Variants in NSUN3 observed in about 807,000 individuals in gnomAD.
The protein encoded by NSUN3 is tRNA (cytosine(34)-C(5))-methyltransferase, mitochondrial.
Under a neutral mutation model 36.8 loss-of-function variants are expected in NSUN3, and 24 were observed. That is an observed-to-expected ratio of 0.65 (90% CI 0.47 to 0.92). The LOEUF is 0.92. Among genes scored for constraint, NSUN3 ranks in the 40% least tolerant of loss-of-function variants. The probability of loss-of-function intolerance (pLI) is 0.00; values close to 1 mark genes in which losing one functional copy is unlikely to be tolerated. For missense variants in NSUN3, 381 were observed against 392.8 expected (o/e 0.97, Z 0.25); for synonymous variants, 146 against 145.2 (o/e 1.01, Z -0.04).
At chr3:94,077,185 C>A (rs546091502) in intron 2 of NSUN3, 6 of 695,982 alleles carry the variant, frequency 8.6e-6, no homozygotes, top group African/African-American at 3.5e-5. Flanking sequence ...GGAGGCCAGG[C>A]GAGCCAGGGG....
At chr3:94,071,294 A>T (rs2077224068) in intron 2 of NSUN3, among the ~76,000 whole-genome samples, 1 of 152,224 alleles carries the variant, frequency 6.6e-6, no homozygotes, top group Non-Finnish European at 1.5e-5. Context: ...GTACATACAC[A>T]TGTGTATATG....
At chr3:94,070,503 G>A (rs2077221308) in intron 2 of NSUN3, among the ~76,000 whole-genome samples, 1 of 152,050 alleles carries the variant, frequency 6.6e-6, no homozygotes, top group South Asian at 2.1e-4. Flanking sequence ...TTGGAGGGAG[G>A]AGCAACAATG....
At chr3:94,076,323 A>T (rs1033147704) in intron 2 of NSUN3, 1 of 845,352 alleles carries the variant, frequency 1.2e-6, no homozygotes, top group Non-Finnish European at 2.1e-6. Context: ...GGCAAGAATG[A>T]ACTCACTATA....
intron 1 of NSUN3, 198 bp downstream of exon 1, chr3:94,063,336 C>T: frequency 1.6e-6 from 1 of 608,688 alleles, no homozygotes; most frequent in East Asian, 2.7e-5. Flanking sequence ...CCGTCCAGCT[C>T]GCAGACTTCT....
At chr3:94,124,589 C>CTTTTTTT in intron 5 of NSUN3, among the ~76,000 whole-genome samples, 1 of 152,230 alleles carries the variant, frequency 6.6e-6, no homozygotes, top group Admixed American at 6.5e-5. Flanking sequence ...CAAATGTCCT[C>CTTTTTTT]TTCTTGAAGG....
chr3:94,079,891 A>G (rs2077260844), intron 2 of NSUN3, among the ~76,000 whole-genome samples: 1 of 151,890 alleles, frequency 6.6e-6, no homozygotes, highest in African/African-American at 2.4e-5. Context: ...TTAGCTTGGA[A>G]GAGTTTGTTA....
At chr3:94,096,130 C>A (rs537473564) in intron 5 of NSUN3, among the ~76,000 whole-genome samples, 3 of 152,056 alleles carry the variant, frequency 2.0e-5, no homozygotes, top group Non-Finnish European at 4.4e-5. Context: ...ACCTCTTGCA[C>A]GTAGAAAGAC....
intron 2 of NSUN3, among the ~76,000 whole-genome samples, chr3:94,067,845 G>A (rs542443029): frequency 6.6e-6 from 1 of 151,888 alleles, no homozygotes; most frequent in Admixed American, 6.6e-5. Flanking sequence ...AGCCTTGAGA[G>A]TTTGTTGTAC....
chr3:94,063,238 T>A, intron 1 of NSUN3, 100 bp downstream of exon 1: 1 of 1,163,120 alleles, frequency 8.6e-7, no homozygotes, highest in Admixed American at 1.7e-5. Context: ...GAACATCACC[T>A]TTGTTCGTCC....
At chr3:94,085,829 G>GAT (rs1329107903) in intron 3 of NSUN3, among the ~76,000 whole-genome samples, 1 of 152,024 alleles carries the variant, frequency 6.6e-6, no homozygotes, top group Non-Finnish European at 1.5e-5. Context: ...ATCACATACA[G>GAT]ATCTTTCATC....
intron 5 of NSUN3, among the ~76,000 whole-genome samples, chr3:94,106,734 C>A (rs1473855856): frequency 6.6e-6 from 1 of 151,408 alleles, no homozygotes; most frequent in Non-Finnish European, 1.5e-5. Flanking sequence ...CTGATAGAAA[C>A]AGGGTGAAAT....
intron 1 of NSUN3, chr3:94,064,199 C>T: frequency 2.0e-6 from 1 of 495,352 alleles, no homozygotes; most frequent in Non-Finnish European, 3.6e-6. Flanking sequence ...TTCTTCAGCC[C>T]CAGTAGATTC....
intron 5 of NSUN3, among the ~76,000 whole-genome samples, chr3:94,098,650 C>T (rs921447947): frequency 6.6e-6 from 1 of 152,164 alleles, no homozygotes; most frequent in African/African-American, 2.4e-5. Flanking sequence ...GACTCCTACT[C>T]ATTTTGTTGC....
rs1415931400 is a variant in NSUN3 at position 94,100,622 on chromosome 3, ATTC to A, written c.743+5471_743+5473del. Among the ~76,000 whole-genome samples, 3 of 152,226 alleles carry A rather than the reference ATTC, an allele frequency of 2.0e-5. No homozygotes were observed. In the East Asian group the frequency reaches 5.8e-4, roughly 29 times the overall value. ...ATTGCTAAAAGAATAGATTTGTAGT[ATTC>A]TTACCACAAAAGAATGATAAGTTGG... is the stretch of plus-strand genomic sequence containing the variant. On this transcript the variant is annotated intron_variant, in intron 5 of 5. Transcript: ENST00000314622.
intron 2 of NSUN3, chr3:94,077,267 G>C: frequency 1.8e-6 from 1 of 560,042 alleles, no homozygotes; most frequent in Non-Finnish European, 3.2e-6. Context: ...TGTTGAACCA[G>C]TCTTGCATCC....
chr3:94,066,790 T>A (rs779302833), intron 2 of NSUN3, among the ~76,000 whole-genome samples: 3 of 152,206 alleles, frequency 2.0e-5, no homozygotes, highest in Non-Finnish European at 4.4e-5. Context: ...TATTATTATT[T>A]TTCCCTTTCA....
At chr3:94,065,367 C>T (rs1321395151) in intron 2 of NSUN3, among the ~76,000 whole-genome samples, 3 of 152,146 alleles carry the variant, frequency 2.0e-5, no homozygotes, top group Non-Finnish European at 4.4e-5. Context: ...AGAGGAGTTA[C>T]TTTGACAAAA....
chr3:94,064,849 A>C (rs1485935234), intron 2 of NSUN3, among the ~76,000 whole-genome samples: 1 of 152,232 alleles, frequency 6.6e-6, no homozygotes, highest in Non-Finnish European at 1.5e-5. Flanking sequence ...ATACTGTAAA[A>C]GAAAAAAACA....
intron 5 of NSUN3, among the ~76,000 whole-genome samples, chr3:94,111,368 G>C (rs757042771): frequency 1.5e-4 from 23 of 152,056 alleles, no homozygotes; most frequent in Non-Finnish European, 3.1e-4. Context: ...TGTACACTTA[G>C]GCTACACTAA....
Sources: gnomAD v4.1 joint callset for allele counts (sites outside exome capture counted in the v4.1 genomes callset) on GRCh38, gnomAD v4.1.1 for gene constraint, MANE v1.5 for transcripts, NCBI Gene and HGNC (gene_info 2026-07-23, HGNC 2026-07-21) for gene names.